Variants in FBXL17 observed in about 807,000 individuals in gnomAD.
FBXL17 encodes F-box/LRR-repeat protein 17.
Under a neutral mutation model 66.2 loss-of-function variants are expected in FBXL17, and 22 were observed. The ratio of observed to expected loss-of-function variants is 0.33; its 90% confidence interval spans 0.24 to 0.47. The LOEUF (loss-of-function observed/expected upper bound fraction) is 0.47, where lower values mean the gene tolerates loss of function less well. Among genes scored for constraint, FBXL17 ranks in the 20% least tolerant of loss-of-function variants. The pLI, the probability that FBXL17 is intolerant of heterozygous loss-of-function variation, is 1.00. For synonymous variants in FBXL17, 474 were observed against 400.5 expected, an observed-to-expected ratio of 1.18 and a Z score of -2.19; for missense variants, 878 against 948.2, an observed-to-expected ratio of 0.93 and a Z score of 0.97.
chr5:107,996,760 T>C (rs10060986), intron 7 of FBXL17, among the ~76,000 whole-genome samples: 27,068 of 152,060 alleles, frequency 0.18, 6,731 homozygotes, highest in African/African-American at 0.56. Flanking sequence ...GATTAAAAAA[T>C]GTGCCTGTCT....
At chr5:108,320,380 A>G (rs1759561306) in intron 4 of FBXL17, among the ~76,000 whole-genome samples, 1 of 151,700 alleles carries the variant, frequency 6.6e-6, no homozygotes, top group Non-Finnish European at 1.5e-5. Flanking sequence ...CCTGTCCAAT[A>G]AAACTCAGAC....
intron 7 of FBXL17, among the ~76,000 whole-genome samples, chr5:107,958,593 T>C (rs1251043321): frequency 2.0e-5 from 3 of 152,202 alleles, no homozygotes; most frequent in African/African-American, 7.2e-5. Flanking sequence ...AGATAGCTCT[T>C]ATGTGCTCCT....
In FBXL17 at chr5:107,972,093, T is replaced by C. The variant is rs190301069; in HGVS notation, c.1822+48832A>G. On this transcript the variant is annotated intron_variant, in intron 7 of 8. Transcript: ENST00000542267. ...CCAGCAAATGTGTGTGAAGGAAGAA[T>C]AAAGGAATGTCCAGTTCTTCTTTGT... 3.5e-3 allele frequency among the ~76,000 whole-genome samples: 540 copies of C among 152,306 alleles called. 13 individuals are homozygous for C. The highest frequency in any genetic ancestry group is 6.3e-4 in the Non-Finnish European group (43 of 68,032).
intron 4 of FBXL17, among the ~76,000 whole-genome samples, chr5:108,274,687 T>G (rs2150142271): frequency 6.6e-6 from 1 of 152,266 alleles, no homozygotes; most frequent in Admixed American, 6.5e-5. Flanking sequence ...CAATTTATGT[T>G]TAGAGATTGT....
intron 7 of FBXL17, among the ~76,000 whole-genome samples, chr5:107,884,937 G>A (rs988828808): frequency 1.3e-4 from 20 of 152,090 alleles, no homozygotes; most frequent in East Asian, 5.8e-4. Flanking sequence ...AAAGAATTTC[G>A]AAAAATAAAA....
At chr5:108,148,904 T>C (rs1229319053) in intron 6 of FBXL17, among the ~76,000 whole-genome samples, 2 of 152,228 alleles carry the variant, frequency 1.3e-5, no homozygotes, top group African/African-American at 2.4e-5. Flanking sequence ...ATATCACTAA[T>C]ACTATCATGT....
intron 7 of FBXL17, among the ~76,000 whole-genome samples, chr5:107,943,607 C>G (rs370453369): frequency 2.0e-5 from 3 of 150,282 alleles, no homozygotes; most frequent in East Asian, 3.9e-4. Flanking sequence ...CCTTCTTCAA[C>G]GCATCTTCAC....
intron 5 of FBXL17, among the ~76,000 whole-genome samples, chr5:108,203,800 TA>T (rs1753998020): frequency 6.6e-6 from 1 of 152,196 alleles, no homozygotes. Flanking sequence ...TTTTCATTTC[TA>T]GTCTCTGAAT....
chr5:108,375,881 G>A (rs1749390596), intron 1 of FBXL17, among the ~76,000 whole-genome samples: 1 of 151,878 alleles, frequency 6.6e-6, no homozygotes, highest in African/African-American at 2.4e-5. Context: ...AAAATATAAG[G>A]AAACTAAATC....
At position 108,202,754 on chromosome 5, in the gene FBXL17, G is replaced by A. The variant is rs191928494; in HGVS notation, c.1615-16507C>T. On this transcript the variant is annotated intron_variant, in intron 5 of 8. Coordinates refer to ENST00000542267, the MANE Select transcript of FBXL17 (RefSeq NM_001163315.3). ...AATTTAACACTTACTAAGTGTTTAT[G>A]TCTGAAATTTATCATCTAACAGTTT... Among the ~76,000 whole-genome samples, 43 of 152,262 alleles carry A rather than the reference G, an allele frequency of 2.8e-4. No homozygotes were observed. In the South Asian group the frequency reaches 7.0e-3, roughly 25 times the overall value.
At position 108,322,637 on chromosome 5, in the gene FBXL17, C is replaced by T. The variant is rs1759671355; in HGVS notation, c.1506+25762G>A. Among the ~76,000 whole-genome samples, 4 of 151,804 alleles carry T rather than the reference C, an allele frequency of 2.6e-5. No homozygotes were observed. The Admixed American group carries it at 2.6e-4, about 10-fold the overall frequency. ...AAATAATTACATTTTTGAACCACAA[C>T]GCTTTCTACAAATAATAATAAATAT... On this transcript the variant is annotated intron_variant, in intron 4 of 8. Transcript: ENST00000542267.
intron 8 of FBXL17, among the ~76,000 whole-genome samples, chr5:107,877,054 G>A (rs549147733): frequency 1.3e-5 from 2 of 152,304 alleles, no homozygotes. Flanking sequence ...CATCAAAGCC[G>A]TCTCACACAG....
At position 108,380,976 on chromosome 5, in the gene FBXL17, G is replaced by C. The variant is rs1037515558; in HGVS notation, c.716C>G (p.Pro239Arg). 2.5e-6 allele frequency: 3 copies of C among 1,217,080 alleles called. No individual in the cohort carries two copies. The highest frequency in any genetic ancestry group is 2.0e-6 in the Non-Finnish European group (2 of 977,952). The allele number at this position is 1,217,080 out of a possible 1,614,324, so 75.4% of individuals were successfully genotyped here. Residue 239 changes from proline to arginine, a missense_variant, in exon 1 of 9, where the codon CCG (proline) becomes CGG (arginine). This residue lies in a region of FBXL17 where 605 missense variants were observed against 509.5 expected (regional missense o/e 1.19). Transcript: ENST00000542267. ...GGGPAGGGAS[P>R]PRPPDAGCCQ... ...GCAGCCGGCGTCGGGGGGCCGGGGC[G>C]GCGAAGCGCCTCCCCCCGCAGGCCC...
At chr5:108,357,087 G>A (rs1163916665) in intron 3 of FBXL17, among the ~76,000 whole-genome samples, 3 of 151,980 alleles carry the variant, frequency 2.0e-5, no homozygotes, top group Non-Finnish European at 4.4e-5. Context: ...GAATAAAACT[G>A]TAAATTAAGA....
intron 4 of FBXL17, among the ~76,000 whole-genome samples, chr5:108,252,274 C>G (rs1756390051): frequency 6.6e-6 from 1 of 151,892 alleles, no homozygotes; most frequent in Non-Finnish European, 1.5e-5. Context: ...AATTTTATAA[C>G]TGGGGGGTTT....
intron 7 of FBXL17, among the ~76,000 whole-genome samples, chr5:107,882,701 G>T (rs1156634005): frequency 3.3e-5 from 5 of 152,120 alleles, no homozygotes; most frequent in African/African-American, 1.2e-4. Context: ...GTTCTCTCTG[G>T]TATCATCATG....
intron 5 of FBXL17, among the ~76,000 whole-genome samples, chr5:108,207,252 A>G (rs1754160534): frequency 6.6e-6 from 1 of 152,138 alleles, no homozygotes; most frequent in Admixed American, 6.6e-5. Context: ...ATTTGCATGA[A>G]ATTTCCATTC....
At chr5:107,966,097 CAAT>C (rs1246256722) in intron 7 of FBXL17, among the ~76,000 whole-genome samples, 2 of 152,050 alleles carry the variant, frequency 1.3e-5, no homozygotes, top group African/African-American at 4.8e-5. Context: ...AAAAATTAAA[CAAT>C]AATAAAAAGC....
At chr5:107,931,667 C>A (rs1326759979) in intron 7 of FBXL17, among the ~76,000 whole-genome samples, 1 of 152,086 alleles carries the variant, frequency 6.6e-6, no homozygotes, top group Non-Finnish European at 1.5e-5. Flanking sequence ...TAGTTCAAAA[C>A]AGAGTCTCTA....
Sources: allele counts gnomAD v4.1 joint callset (sites outside exome capture counted in the v4.1 genomes callset), GRCh38; gene constraint gnomAD v4.1.1; regional missense constraint gnomAD v4.1.1; transcripts MANE v1.5; gene names NCBI Gene and HGNC (gene_info 2026-07-23, HGNC 2026-07-21).